ZNF804A: variants seen among roughly 807,000 people sequenced by gnomAD.
The protein encoded by ZNF804A is zinc finger protein 804A.
ZNF804A carries 2 observed loss-of-function variants against 16.5 expected under a neutral mutation model. That is an observed-to-expected ratio of 0.12 (90% CI 0.05 to 0.38). The LOEUF is 0.38. Among genes scored for constraint, ZNF804A ranks in the 10% least tolerant of loss-of-function variants. The pLI, the probability that ZNF804A is intolerant of heterozygous loss-of-function variation, is 0.99. For missense variants in ZNF804A, 1,473 were observed against 1,390.7 expected (o/e 1.06, Z -0.94); for synonymous variants, 534 against 489.6 (o/e 1.09, Z -1.20).
intron 1 of ZNF804A, among the ~76,000 whole-genome samples, chr2:184,768,773 C>G (rs758277642): frequency 1.3e-5 from 2 of 151,890 alleles, no homozygotes; most frequent in Non-Finnish European, 2.9e-5. Flanking sequence ...GTTAAATTCA[C>G]CAAAATAATT....
chr2:184,891,976 C>G (rs1452603501), intron 2 of ZNF804A, among the ~76,000 whole-genome samples: 1 of 152,016 alleles, frequency 6.6e-6, no homozygotes, highest in African/African-American at 2.4e-5. Flanking sequence ...AAAATGTGCT[C>G]AAGTTGTGGA....
chr2:184,906,885 G>T (rs1685282691), intron 2 of ZNF804A, among the ~76,000 whole-genome samples: 1 of 152,168 alleles, frequency 6.6e-6, no homozygotes, highest in African/African-American at 2.4e-5. Context: ...AGAAGAATTT[G>T]ACACATGAGA....
chr2:184,601,215 A>G (rs1024018723), intron 1 of ZNF804A, among the ~76,000 whole-genome samples: 12 of 152,048 alleles, frequency 7.9e-5, no homozygotes, highest in African/African-American at 2.9e-4. Flanking sequence ...TAGCCTTCTC[A>G]TGAGTATTAT....
At chr2:184,826,251 A>T (rs1286246418) in intron 1 of ZNF804A, among the ~76,000 whole-genome samples, 2 of 152,092 alleles carry the variant, frequency 1.3e-5, no homozygotes, top group African/African-American at 4.8e-5. Flanking sequence ...CTATTTGCAT[A>T]TATTTAACAG....
chr2:184,747,842 C>T (rs1693814158), intron 1 of ZNF804A, among the ~76,000 whole-genome samples: 1 of 151,090 alleles, frequency 6.6e-6, no homozygotes, highest in African/African-American at 2.4e-5. Flanking sequence ...GTCTGTTTTT[C>T]CTATGCTCTC....
intron 1 of ZNF804A, among the ~76,000 whole-genome samples, chr2:184,783,574 T>G (rs1402234964): frequency 6.6e-6 from 1 of 151,892 alleles, no homozygotes; most frequent in Admixed American, 6.6e-5. Context: ...CTCAGTCACT[T>G]TTCTCTGGCA....
intron 1 of ZNF804A, among the ~76,000 whole-genome samples, chr2:184,721,227 A>G (rs769492912): frequency 1.3e-5 from 2 of 152,136 alleles, no homozygotes; most frequent in Non-Finnish European, 2.9e-5. Context: ...CAGTCAATAA[A>G]AACAAAAATT....
At chr2:184,666,973 G>A (rs571167947) in intron 1 of ZNF804A, among the ~76,000 whole-genome samples, 87 of 152,048 alleles carry the variant, frequency 5.7e-4, no homozygotes, top group Non-Finnish European at 8.4e-4. Flanking sequence ...TTTGGTTTTG[G>A]TTATAATGAA....
intron 1 of ZNF804A, among the ~76,000 whole-genome samples, chr2:184,622,856 A>G (rs764129214): frequency 3.3e-5 from 5 of 151,986 alleles, no homozygotes; most frequent in Admixed American, 6.6e-5. Flanking sequence ...TTCAGTGCCT[A>G]TAAGTGTACT....
intron 1 of ZNF804A, among the ~76,000 whole-genome samples, chr2:184,738,461 A>G (rs143867169): frequency 3.8e-4 from 58 of 152,302 alleles, no homozygotes; most frequent in African/African-American, 1.4e-3. Context: ...GTTGACATCA[A>G]ATTATAGATA....
chr2:184,647,306 A>G (rs762749744), intron 1 of ZNF804A, among the ~76,000 whole-genome samples: 1 of 152,242 alleles, frequency 6.6e-6, no homozygotes, highest in Admixed American at 6.5e-5. Context: ...GATGCAAAAG[A>G]ACCAGTGCAA....
chr2:184,615,449 A>G (rs995884460), intron 1 of ZNF804A, among the ~76,000 whole-genome samples: 1 of 152,212 alleles, frequency 6.6e-6, no homozygotes, highest in African/African-American at 2.4e-5. Flanking sequence ...TCCTGGCATT[A>G]TTAATAATGA....
intron 1 of ZNF804A, among the ~76,000 whole-genome samples, chr2:184,802,670 G>T (rs1200587191): frequency 6.6e-6 from 1 of 152,162 alleles, no homozygotes; most frequent in Non-Finnish European, 1.5e-5. Flanking sequence ...ATGAGTGCAA[G>T]GGAAGCAGTT....
In ZNF804A at chr2:184,791,956, G is replaced by T. The variant is rs1694550516; in HGVS notation, c.112-74413G>T. Among the ~76,000 whole-genome samples the T allele has an allele frequency of 2.0e-5, 3 of 152,092 alleles. No individual in the cohort carries two copies. The South Asian group carries it at 6.2e-4, about 31-fold the overall frequency. On this transcript the variant is annotated intron_variant, in intron 1 of 3. Coordinates refer to ENST00000302277, the MANE Select transcript of ZNF804A (RefSeq NM_194250.2). ...TTTCAGATTGGCTTCTTTCATTAAA[G>T]AATATGTATTTTAGGTTCCTAAATG...
At chr2:184,904,284 A>C (rs1194393595) in intron 2 of ZNF804A, among the ~76,000 whole-genome samples, 1 of 152,080 alleles carries the variant, frequency 6.6e-6, no homozygotes, top group Non-Finnish European at 1.5e-5. Context: ...ACAATTAAAA[A>C]ATTTTTATTA....
At chr2:184,717,401 A>G (rs1693231700) in intron 1 of ZNF804A, among the ~76,000 whole-genome samples, 1 of 152,140 alleles carries the variant, frequency 6.6e-6, no homozygotes, top group South Asian at 2.1e-4. Context: ...GTTCCAAAAT[A>G]ATTTTTCAAC....
intron 1 of ZNF804A, among the ~76,000 whole-genome samples, chr2:184,628,335 A>G (rs1391628831): frequency 2.0e-5 from 3 of 152,122 alleles, no homozygotes; most frequent in African/African-American, 7.2e-5. Flanking sequence ...AAAGAAAAAA[A>G]AGGTGTAAAG....
chr2:184,840,403 A>G (rs1212392402), intron 1 of ZNF804A, among the ~76,000 whole-genome samples: 1 of 152,120 alleles, frequency 6.6e-6, no homozygotes, highest in Non-Finnish European at 1.5e-5. Context: ...AAAAAAGTCA[A>G]TGAGACTCAA....
intron 1 of ZNF804A, among the ~76,000 whole-genome samples, chr2:184,687,978 G>A (rs1040852468): frequency 3.3e-5 from 5 of 152,182 alleles, no homozygotes; most frequent in East Asian, 1.9e-4. Flanking sequence ...AATTAGCTGC[G>A]TGTGGTGGTG....
Sources: allele counts gnomAD v4.1 joint callset (sites outside exome capture counted in the v4.1 genomes callset), GRCh38; gene constraint gnomAD v4.1.1; transcripts MANE v1.5; gene names NCBI Gene and HGNC (gene_info 2026-07-23, HGNC 2026-07-21).